Variants in TPX2 observed in about 807,000 individuals in gnomAD.
TPX2 encodes TPX2 microtubule nucleation factor.
A neutral mutation model predicts 93.6 loss-of-function variants in TPX2; 21 were observed. The ratio of observed to expected loss-of-function variants is 0.22; its 90% confidence interval spans 0.16 to 0.32. The LOEUF (loss-of-function observed/expected upper bound fraction) is 0.32. Ranked by LOEUF, TPX2 falls within the 10% of genes least tolerant of loss-of-function variation. The pLI is 1.00. For missense variants in TPX2, 776 were observed against 871.1 expected (o/e 0.89, Z 1.37); for synonymous variants, 281 against 298.3 (o/e 0.94, Z 0.60).
intron 3 of TPX2, among the ~76,000 whole-genome samples, chr20:31,759,300 T>G (rs1313085444): frequency 6.6e-6 from 1 of 151,994 alleles, no homozygotes; most frequent in Admixed American, 6.6e-5. Context: ...CACACACCCC[T>G]TATTCCTCCC....
intron 12 of TPX2, among the ~76,000 whole-genome samples, chr20:31,788,300 C>T (rs1287396334): frequency 6.6e-6 from 1 of 151,608 alleles, no homozygotes; most frequent in Non-Finnish European, 1.5e-5. Flanking sequence ...CACCTGTACT[C>T]CTAGCTACTC....
intron 7 of TPX2, among the ~76,000 whole-genome samples, chr20:31,772,019 C>CTTTTTTT (rs397866298): frequency 8.0e-6 from 1 of 125,272 alleles, no homozygotes; most frequent in African/African-American, 3.2e-5. Context: ...GCCTGGCTAA[C>CTTTTTTT]TTTTTTTTTT....
rs760795199 is a variant in TPX2 at position 31,792,756 on chromosome 20, C to G, written c.1435C>G (p.Leu479Val). 3.7e-6 allele frequency: 6 copies of G among 1,614,198 alleles called. No individual in the cohort carries two copies. The South Asian group carries it at 6.6e-5, about 18-fold the overall frequency. Residue 479 changes from leucine (L) to valine (V), a missense_variant, in exon 13 of 18, where the codon CTT (leucine) becomes GTT (valine). Transcript: ENST00000300403. The part of the protein sequence containing the change: ...DVVGVPEKKV[L>V]PITVPKSPAF... ...TCAGGGTGTTCCTGAAAAGAAGGTA[C>G]TTCCAATCACCGTCCCCAAGTCACC...
At chr20:31,758,320 A>G (rs567996911) in intron 3 of TPX2, among the ~76,000 whole-genome samples, 1 of 152,094 alleles carries the variant, frequency 6.6e-6, no homozygotes, top group East Asian at 1.9e-4. Context: ...GTGTTTTGCC[A>G]TGTTGGCCAG....
In TPX2 at chr20:31,778,835, C is replaced by A. The variant is rs1380174075; in HGVS notation, c.905C>A (p.Thr302Asn). Residue 302 changes from threonine to asparagine, a missense_variant, in exon 10 of 18, where the codon ACC (threonine) becomes AAC (asparagine). Transcript: ENST00000300403. ...SSPARVTKGC[T>N]IVKPFNLSQG... ...CAGGCCCGAGTGACTAAGGGATGTA[C>A]CATTGTTAAGCCTTTCAACCTGTCC... 6 of 1,595,188 alleles carry A rather than the reference C, an allele frequency of 3.8e-6. No homozygotes were observed. Among genetic ancestry groups the A allele is most frequent in the Non-Finnish European group, 2.6e-6 (3 of 1,173,770 alleles).
intron 2 of TPX2, among the ~76,000 whole-genome samples, chr20:31,747,426 A>G (rs2061790628): frequency 6.6e-6 from 1 of 151,830 alleles, no homozygotes; most frequent in Non-Finnish European, 1.5e-5. Flanking sequence ...CCGAGATTTT[A>G]TATCTCTATC....
rs780228798 is a variant in TPX2 at position 31,782,327 on chromosome 20, C to T, written c.1133C>T (p.Ala378Val). 3 of 1,613,684 alleles carry T rather than the reference C, an allele frequency of 1.9e-6. No homozygotes were observed. The highest frequency in any genetic ancestry group is 1.3e-5 in the African/African-American group (1 of 74,902). ...CCTGTACTGCAAACCAAACACCGTG[C>T]ACGGGCTGTGACCTGCAAAAGTACA... is the stretch of plus-strand genomic sequence containing the variant. ...QTPVLQTKHR[A>V]RAVTCKSTAE... Residue 378 changes from alanine (A) to valine (V), a missense_variant, in exon 11 of 18, where the codon GCA becomes GTA. This residue lies in a region of TPX2 where 461 missense variants were observed against 551.2 expected (regional missense o/e 0.84). Coordinates refer to ENST00000300403, the MANE Select transcript of TPX2 (RefSeq NM_012112.5).
intron 7 of TPX2, among the ~76,000 whole-genome samples, chr20:31,772,006 C>G (rs2061966955): frequency 6.7e-6 from 1 of 148,934 alleles, no homozygotes; most frequent in Non-Finnish European, 1.5e-5. Flanking sequence ...CATGCACTAT[C>G]ATGCCTGGCT....
chr20:31,765,388 A>C (rs937045239), intron 4 of TPX2, among the ~76,000 whole-genome samples: 15 of 148,570 alleles, frequency 1.0e-4, no homozygotes, highest in African/African-American at 3.7e-4. Context: ...CTTAGAGTTT[A>C]TGTTAAAATA....
chr20:31,768,522 G>A (rs2123018261), intron 5 of TPX2, among the ~76,000 whole-genome samples: 1 of 152,030 alleles, frequency 6.6e-6, no homozygotes, highest in East Asian at 1.9e-4. Context: ...TGGGATTACA[G>A]GCGTGAGCCA....
At chr20:31,746,553 CTT>C (rs1372105035) in intron 2 of TPX2, among the ~76,000 whole-genome samples, 1 of 152,208 alleles carries the variant, frequency 6.6e-6, no homozygotes, top group Non-Finnish European at 1.5e-5. Context: ...TAACTCATGA[CTT>C]TCTCTTTAAT....
At chr20:31,763,723 T>TA (rs1555880634) in intron 4 of TPX2, among the ~76,000 whole-genome samples, 24 of 107,842 alleles carry the variant, frequency 2.2e-4, no homozygotes, top group African/African-American at 8.9e-4. Flanking sequence ...TAAATTTAAT[T>TA]TTTTTTTTTT....
intron 2 of TPX2, among the ~76,000 whole-genome samples, chr20:31,745,166 AT>A (rs891264813): frequency 2.0e-5 from 3 of 152,234 alleles, no homozygotes; most frequent in African/African-American, 7.2e-5. Flanking sequence ...GATTATGCTG[AT>A]TTACCTAAAA....
At chr20:31,779,216 G>T (rs1157013051) in intron 10 of TPX2, among the ~76,000 whole-genome samples, 2 of 152,220 alleles carry the variant, frequency 1.3e-5, no homozygotes, top group Non-Finnish European at 2.9e-5. Context: ...CAAGGGGAAT[G>T]AGTTAAGGTA....
intron 10 of TPX2, 131 bp downstream of exon 10, chr20:31,779,115 A>G (rs1253709579): frequency 2.0e-6 from 2 of 999,634 alleles, no homozygotes; most frequent in Non-Finnish European, 2.8e-6. Flanking sequence ...GACTATGCAG[A>G]CAACAAATGT....
At chr20:31,749,112 A>AT (rs1426208421) in intron 2 of TPX2, among the ~76,000 whole-genome samples, 28 of 151,756 alleles carry the variant, frequency 1.8e-4, no homozygotes, top group African/African-American at 6.8e-4. Context: ...CGCCTGGCTA[A>AT]TTTTTTTGTA....
At position 31,792,770 on chromosome 20, in the gene TPX2, C is replaced by T. The variant is rs778846836; in HGVS notation, c.1449C>T (p.Val483=). ...VPEKKVLPIT[V]PKSPAFALKN... The stretch of plus-strand genomic sequence containing the variant: ...AAAAGAAGGTACTTCCAATCACCGT[C>T]CCCAAGTCACCAGCCTTTGCATTGA... Residue 483 remains valine, a synonymous_variant, in exon 13 of 18, where the codon GTC becomes GTT. Coordinates refer to ENST00000300403, the MANE Select transcript of TPX2 (RefSeq NM_012112.5). The T allele has an allele frequency of 1.2e-6, 2 of 1,614,224 alleles. No homozygotes were observed. Among genetic ancestry groups the T allele is most frequent in the South Asian group, 1.1e-5 (1 of 91,078 alleles).
intron 8 of TPX2, 23 bp from the exon 9 acceptor site, chr20:31,777,464 G>A (rs771522868): frequency 6.2e-7 from 1 of 1,610,920 alleles, no homozygotes; most frequent in South Asian, 1.1e-5. Flanking sequence ...TTGTCTGTAT[G>A]TTTTACTGTG....
chr20:31,774,179 C>T (rs2061981370), intron 7 of TPX2, among the ~76,000 whole-genome samples: 1 of 152,142 alleles, frequency 6.6e-6, no homozygotes, highest in South Asian at 2.1e-4. Flanking sequence ...GGAATTTATT[C>T]TCTTAGTGTA....
Sources: allele counts gnomAD v4.1 joint callset (sites outside exome capture counted in the v4.1 genomes callset), GRCh38; gene constraint gnomAD v4.1.1; regional missense constraint gnomAD v4.1.1; transcripts MANE v1.5; gene names NCBI Gene and HGNC (gene_info 2026-07-23, HGNC 2026-07-21).